Variants in RAB11B observed in about 807,000 individuals in gnomAD.
The protein encoded by RAB11B is ras-related protein Rab-11B.
In RAB11B, 7 loss-of-function variants were observed where a neutral mutation model predicts 23.7. The observed-to-expected ratio is 0.29, with a 90% CI of 0.17 to 0.55. The LOEUF is 0.55. Ranked by LOEUF, RAB11B falls within the 20% of genes least tolerant of loss-of-function variation. The pLI is 0.93. For synonymous variants in RAB11B, 138 were observed against 132.0 expected (o/e 1.05, Z -0.31); for missense variants, 189 against 320.0 (o/e 0.59, Z 3.12).
Position 8,396,367 on chromosome 19 carries a change from C to T in RAB11B, c.41-3496C>T, listed in dbSNP as rs1199751672. Among the ~76,000 whole-genome samples, 1 of 152,134 alleles carries T rather than the reference C, an allele frequency of 6.6e-6. No individual in the cohort carries two copies. The highest frequency in any genetic ancestry group is 1.5e-5 in the Non-Finnish European group (1 of 68,032). ...CATTTTCTTGGGTGTTTATTGTGTGCCAAGCACTGTGCCAGGACCTGATTC... is the reference window on the plus strand; with the variant it reads ...CATTTTCTTGGGTGTTTATTGTGTGTCAAGCACTGTGCCAGGACCTGATTC... On this transcript the variant is annotated intron_variant, in intron 1 of 4. Transcript: ENST00000328024. This position sits in a 1 kb window ranked among gnomAD's most constrained non-coding sequence, Gnocchi z 5.0.
intron 1 of RAB11B, among the ~76,000 whole-genome samples, chr19:8,397,218 G>A (rs1200594888): frequency 1.3e-5 from 2 of 152,144 alleles, no homozygotes; most frequent in Admixed American, 6.5e-5. Context: ...GGCCCCTGAG[G>A]AGACATGAAG....
rs184858818 is a variant in RAB11B, at chr19:8,398,128, C to A, written c.41-1735C>A. ...GGCTGGGCCCATAGGGACAGTGCTT[C>A]CATGGCTGGGACAGGAAACAGTTTA... On this transcript the variant is annotated intron_variant, in intron 1 of 4. Coordinates refer to ENST00000328024, the MANE Select transcript of RAB11B (RefSeq NM_004218.4). 5.9e-5 allele frequency among the ~76,000 whole-genome samples: 9 copies of A among 152,306 alleles called. No homozygotes were observed. In the East Asian group the frequency reaches 1.7e-3, roughly 29 times the overall value.
chr19:8,402,178 G>A lies in RAB11B; in HGVS notation c.329G>A (p.Arg110Gln), dbSNP rs1329829240. ...GTGGAGCGCTGGCTGAAGGAGCTGC[G>A]GGACCACGCAGACAGCAACATCGTC... ...ENVERWLKEL[R>Q]DHADSNIVIM... is the part of the protein sequence containing the mutation. The change falls in exon 3 of 5, where the codon CGG (arginine) becomes CAG (glutamine). Residue 110 changes from arginine (R) to glutamine (Q), a missense_variant. Physicochemically the swap from Arg to Gln is conservative, Grantham distance 43. This residue lies in a region of RAB11B where 122 missense variants were observed against 170.8 expected (regional missense o/e 0.71). Transcript: ENST00000328024. 4.4e-6 allele frequency: 7 copies of A among 1,600,764 alleles called. 1 individual carries two copies. Among genetic ancestry groups the A allele is most frequent in the South Asian group, 1.1e-5 (1 of 88,900 alleles).
intron 2 of RAB11B, 104 bp downstream of exon 2, chr19:8,400,162 G>C: frequency 7.5e-7 from 1 of 1,331,588 alleles, no homozygotes; most frequent in Non-Finnish European, 1.0e-6. Flanking sequence ...GAAGGGGAGA[G>C]TGTGCTCCCA....
At chr19:8,399,200 G>A (rs1971419174) in intron 1 of RAB11B, among the ~76,000 whole-genome samples, 1 of 151,884 alleles carries the variant, frequency 6.6e-6, no homozygotes, top group South Asian at 2.1e-4. Flanking sequence ...TGATCCACCC[G>A]CCTCGGCCTC....
At chr19:8,402,618 C>T (rs778324427) in intron 4 of RAB11B, 53 bp downstream of exon 4, 2 of 1,380,296 alleles carry the variant, frequency 1.4e-6, no homozygotes, top group Admixed American at 3.5e-5. Context: ...CAGGGTGGAA[C>T]ACGGCCTCTG....
In RAB11B at chr19:8,403,788, G is replaced by GA; in HGVS notation, c.*230_*231insA. ...CACCCATGAAACTCGGGTCCCCACA[G>GA]CGTCTTGGCGGGGTGGGGAGGGCGG... is the stretch of plus-strand genomic sequence containing the variant. On this transcript the variant is annotated 3_prime_UTR_variant, in exon 5 of 5. Transcript: ENST00000328024. The GA allele has an allele frequency of 3.6e-6, 2 of 555,028 alleles. No homozygotes were observed. The highest frequency in any genetic ancestry group is 5.9e-6 in the Non-Finnish European group (2 of 336,446). 34.4% of individuals were successfully genotyped at this position (555,028 alleles called of 1,614,324 possible).
chr19:8,402,035 C>T lies in RAB11B; in HGVS notation c.237-51C>T, dbSNP rs768175828. 7.3e-6 allele frequency: 11 copies of T among 1,500,296 alleles called. No homozygotes were observed. In the South Asian group the frequency reaches 7.7e-5, roughly 11 times the overall value. 92.9% of individuals were successfully genotyped at this position (1,500,296 alleles called of 1,614,324 possible). A position where few individuals can be genotyped will look rare whatever the true frequency, so the allele number is the denominator to read the frequency against. The stretch of plus-strand genomic sequence containing the variant: ...GTGTGCTGTTATCCCGTGAGGCTGC[C>T]GCTGCCCATGGTTGTCCTCCAGAGA... On this transcript the variant is annotated intron_variant, in intron 2 of 4. Transcript: ENST00000328024.
chr19:8,402,260 C>G lies in RAB11B; in HGVS notation c.411C>G (p.Asp137Glu). 1 of 1,558,942 alleles carries G rather than the reference C, an allele frequency of 6.4e-7. No homozygotes were observed. Among genetic ancestry groups the G allele is most frequent in the East Asian group, 2.4e-5 (1 of 41,426 alleles). Residue 137 changes from aspartate (D) to glutamate (E), a missense_variant, in exon 3 of 5, where the codon GAC becomes GAG. By Grantham distance (45) the Asp-to-Glu change is conservative. Transcript: ENST00000328024. The part of the protein sequence containing the change: ...DLRHLRAVPT[D>E]EARAFAEKNN... The stretch of plus-strand genomic sequence containing the variant: ...GCCACCTGCGGGCTGTGCCCACTGA[C>G]GAGGCCCGCGCCTTCGCAGGTGAGC...
intron 1 of RAB11B, among the ~76,000 whole-genome samples, chr19:8,390,904 CT>C (rs1441929662): frequency 2.0e-5 from 3 of 149,344 alleles, no homozygotes; most frequent in East Asian, 2.0e-4. Context: ...AGGCGGGGCT[CT>C]CACGAGGCTT....
chr19:8,403,312 G>T, intron 4 of RAB11B, 101 bp from the exon 5 acceptor site: 2 of 1,435,146 alleles, frequency 1.4e-6, no homozygotes, highest in South Asian at 2.6e-5. Context: ...GGGCGCTGTG[G>T]GGGTCTGGAG....
chr19:8,390,971 A>G (rs919537063), intron 1 of RAB11B, among the ~76,000 whole-genome samples: 31 of 132,184 alleles, frequency 2.3e-4, no homozygotes, highest in Admixed American at 6.7e-4. Flanking sequence ...GGGGCAGGCA[A>G]TGGGGGCTGG....
At chr19:8,397,072 C>A (rs1238648454) in intron 1 of RAB11B, among the ~76,000 whole-genome samples, 1 of 152,156 alleles carries the variant, frequency 6.6e-6, no homozygotes, top group African/African-American at 2.4e-5. Flanking sequence ...GAGAATGACT[C>A]CAGGTTTCTG....
intron 2 of RAB11B, chr19:8,400,420 T>C (rs140220519): frequency 8.2e-4 from 237 of 288,014 alleles, no homozygotes; most frequent in African/African-American, 4.5e-3. Context: ...CACCTGGGCC[T>C]GGCCTCCATT....
chr19:8,403,543 C>T lies in RAB11B; in HGVS notation c.642C>T (p.Cys214=). The T allele has an allele frequency of 1.2e-6, 2 of 1,613,084 alleles. No homozygotes were observed. The highest frequency in any genetic ancestry group is 1.7e-6 in the Non-Finnish European group (2 of 1,179,376). ...TDGQKPNKLQ[C]CQNL ...GACAGAAGCCCAACAAGCTGCAGTG[C>T]TGCCAGAACCTGTGACCCCTGCGCC... is the stretch of plus-strand genomic sequence containing the variant. The change falls in exon 5 of 5, where the codon TGC becomes TGT. Residue 214 remains cysteine, a synonymous_variant. Transcript: ENST00000328024.
At chr19:8,402,784 T>TC in intron 4 of RAB11B, 1 of 583,762 alleles carries the variant, frequency 1.7e-6, no homozygotes, top group East Asian at 2.9e-5. Flanking sequence ...TGCCTCAGCC[T>TC]CCCGAGTAGC....
chr19:8,393,784 C>T (rs1017549397), intron 1 of RAB11B, among the ~76,000 whole-genome samples: 3 of 152,116 alleles, frequency 2.0e-5, no homozygotes, highest in Admixed American at 6.5e-5. Context: ...GGGCACCATT[C>T]CCCTGAAGAG....
At chr19:8,390,540 G>C in intron 1 of RAB11B, 84 bp downstream of exon 1, 1 of 1,304,026 alleles carries the variant, frequency 7.7e-7, no homozygotes, top group Non-Finnish European at 9.8e-7. Flanking sequence ...CAGGCCGCTG[G>C]GCCCAGGCCG....
At chr19:8,402,611 G>T in intron 4 of RAB11B, 46 bp downstream of exon 4, 3 of 1,389,844 alleles carry the variant, frequency 2.2e-6, no homozygotes, top group Non-Finnish European at 3.1e-6. Flanking sequence ...AGCCAGGCAG[G>T]GTGGAACACG....
Sources: gnomAD v4.1 joint callset for allele counts (sites outside exome capture counted in the v4.1 genomes callset) on GRCh38, gnomAD v4.1.1 for gene constraint, gnomAD v4.1.1 regional missense constraint, Gnocchi (gnomAD v3.1) non-coding constraint, MANE v1.5 for transcripts, NCBI Gene and HGNC (gene_info 2026-07-23, HGNC 2026-07-21) for gene names.